CAMKK1: variants seen among roughly 807,000 people sequenced by gnomAD.
The protein encoded by CAMKK1 is calcium/calmodulin-dependent protein kinase kinase 1.
Under a neutral mutation model 63.5 loss-of-function variants are expected in CAMKK1, and 20 were observed. The ratio of observed to expected loss-of-function variants is 0.32; its 90% CI spans 0.22 to 0.46. The LOEUF is 0.46. CAMKK1 is among the 20% of genes least tolerant of loss of function. The probability of loss-of-function intolerance (pLI) is 1.00; values close to 1 mark genes in which losing one functional copy is unlikely to be tolerated. For synonymous variants in CAMKK1, 253 were observed against 269.0 expected, an observed-to-expected ratio of 0.94 and a Z score of 0.58; for missense variants, 588 against 658.1, an observed-to-expected ratio of 0.89 and a Z score of 1.17.
chr17:3,866,413 C>A (rs879930424), intron 14 of CAMKK1, among the ~76,000 whole-genome samples: 1 of 152,272 alleles, frequency 6.6e-6, no homozygotes, highest in Non-Finnish European at 1.5e-5. Flanking sequence ...TACTGCAGGG[C>A]GGCCCGGGAA....
Position 3,877,639 on chromosome 17 carries a change from G to C in CAMKK1, c.797-1217C>G, listed in dbSNP as rs1441366911. Reference sequence around the variant, plus strand: ...GGAGAGGGAGGCTGCGGGCAGAGAAGGCGGGTGCCGTATAACAATAACCAT... The same window carrying C: ...GGAGAGGGAGGCTGCGGGCAGAGAACGCGGGTGCCGTATAACAATAACCAT... On this transcript the variant is annotated intron_variant, in intron 9 of 15. Transcript: ENST00000348335. 2.6e-5 allele frequency among the ~76,000 whole-genome samples: 4 copies of C among 152,318 alleles called. No homozygotes were observed. In the East Asian group the frequency reaches 7.7e-4, roughly 29 times the overall value.
rs2055574981 is a variant in CAMKK1, at chr17:3,884,864, C to T, written c.361-437G>A. Among the ~76,000 whole-genome samples the T allele has an allele frequency of 6.6e-6, 1 of 152,166 alleles. No homozygotes were observed. The highest frequency in any genetic ancestry group is 1.5e-5 in the Non-Finnish European group (1 of 68,030). On this transcript the variant is annotated intron_variant, in intron 2 of 15. Coordinates refer to ENST00000348335, the MANE Select transcript of CAMKK1 (RefSeq NM_032294.3). The surrounding 1 kb of genome is among the most constrained non-coding windows in gnomAD (Gnocchi z 4.5). ...CAGGCACAGAAAGCTCAGCCCCTGACATCTGTAGACTGCTTGGAACCTGAG... is the reference window on the plus strand; with the variant it reads ...CAGGCACAGAAAGCTCAGCCCCTGATATCTGTAGACTGCTTGGAACCTGAG...
rs944002701 is a variant in CAMKK1, at chr17:3,862,859, A to G, written c.1446-576T>C. Among the ~76,000 whole-genome samples the G allele has an allele frequency of 6.6e-5, 10 of 150,808 alleles. No homozygotes were observed. Among genetic ancestry groups the G allele is most frequent in the African/African-American group, 2.4e-4 (10 of 40,982 alleles). On this transcript the variant is annotated intron_variant, in intron 15 of 15. Transcript: ENST00000348335. The surrounding 1 kb of genome is among the most constrained non-coding windows in gnomAD (Gnocchi z 4.1). ...ACCATGTTGCCCAGGCTGGTCTCAA[A>G]CTCCTGGGCTCAAGCGATCCATCCA...
intron 14 of CAMKK1, among the ~76,000 whole-genome samples, chr17:3,866,732 T>C (rs1396986145): frequency 6.6e-6 from 1 of 152,088 alleles, no homozygotes; most frequent in Non-Finnish European, 1.5e-5. Context: ...CCTTTTTTTT[T>C]TTTCAGACGG....
At chr17:3,873,753 G>T (rs1275934573) in intron 10 of CAMKK1, among the ~76,000 whole-genome samples, 1 of 152,120 alleles carries the variant, frequency 6.6e-6, no homozygotes, top group East Asian at 1.9e-4. Flanking sequence ...CATCCAGAGG[G>T]TCACACGGGC....
chr17:3,891,451 G>C (rs1032220392), intron 1 of CAMKK1, among the ~76,000 whole-genome samples: 23 of 152,226 alleles, frequency 1.5e-4, no homozygotes, highest in Non-Finnish European at 2.8e-4. Flanking sequence ...GACTGGAGCA[G>C]ACACCTGAAG....
intron 12 of CAMKK1, among the ~76,000 whole-genome samples, chr17:3,871,597 C>T (rs1369689962): frequency 2.0e-5 from 3 of 149,192 alleles, no homozygotes; most frequent in Non-Finnish European, 3.0e-5. Flanking sequence ...ACCTCGTGAT[C>T]CGCCCTCCTT....
At position 3,864,919 on chromosome 17, in the gene CAMKK1, G is replaced by T. The variant is rs186568468; in HGVS notation, c.1445+989C>A. Among the ~76,000 whole-genome samples, 546 of 152,298 alleles carry T rather than the reference G, an allele frequency of 3.6e-3. 5 individuals carry two copies. Among genetic ancestry groups the T allele is most frequent in the Middle Eastern group, 0.017 (5 of 294 alleles). On this transcript the variant is annotated intron_variant, in intron 15 of 15. Coordinates refer to ENST00000348335, the MANE Select transcript of CAMKK1 (RefSeq NM_032294.3). ...AAACCAACATGGTGGTCCCGGACAG[G>T]CCTGGTGACAGCGTGAAGCCAAGGC... is the stretch of plus-strand genomic sequence containing the variant.
intron 10 of CAMKK1, among the ~76,000 whole-genome samples, chr17:3,874,811 T>C (rs963238519): frequency 6.6e-6 from 1 of 151,714 alleles, no homozygotes; most frequent in African/African-American, 2.4e-5. Flanking sequence ...GCCTGACCGA[T>C]ATATAAGTCT....
At chr17:3,868,758 T>C (rs2054691149) in intron 14 of CAMKK1, among the ~76,000 whole-genome samples, 2 of 151,874 alleles carry the variant, frequency 1.3e-5, no homozygotes, top group Admixed American at 6.6e-5. Context: ...GTTCAAGCGA[T>C]TCTCCTGCCT....
In CAMKK1 at chr17:3,888,963, C is replaced by A. The variant is rs79324845; in HGVS notation, c.-43-3233G>T. On this transcript the variant is annotated intron_variant, in intron 1 of 15. Coordinates refer to ENST00000348335, the MANE Select transcript of CAMKK1 (RefSeq NM_032294.3). ...TGGGTCCCCACACAGGAGCGCACTG[C>A]ATGGAGATGAAAACCTCGGTGTGAT... Among the ~76,000 whole-genome samples, 827 of 151,964 alleles carry A rather than the reference C, an allele frequency of 5.4e-3. 9 individuals carry two copies. The highest frequency in any genetic ancestry group is 0.019 in the African/African-American group (788 of 41,460).
rs2055694419 is a variant in CAMKK1, at chr17:3,887,286, G to GCC, written c.-43-1557_-43-1556insGG. Among the ~76,000 whole-genome samples the GCC allele has an allele frequency of 6.6e-6, 1 of 152,200 alleles. No individual in the cohort carries two copies. Among genetic ancestry groups the GCC allele is most frequent in the African/African-American group, 2.4e-5 (1 of 41,456 alleles). On this transcript the variant is annotated intron_variant, in intron 1 of 15. Transcript: ENST00000348335. This position sits in a 1 kb window ranked among gnomAD's most constrained non-coding sequence, Gnocchi z 6.1. ...GAGGTAGACTGAGGGTAAGGGTGAG[G>GCC]TCCAGACCCCCTGTGCCCGGTACGC... is the stretch of plus-strand genomic sequence containing the variant.
In CAMKK1 at chr17:3,869,409, C is replaced by G; in HGVS notation, c.1341+78G>C. On this transcript the variant is annotated intron_variant, in intron 14 of 15. Transcript: ENST00000348335. The stretch of plus-strand genomic sequence containing the variant: ...CTGGCCAGGCAGGCCTCTGTCCCCC[C>G]AAGGAGCCAGGCACAGAGCAAGGCT... 1.9e-6 allele frequency: 3 copies of G among 1,576,674 alleles called. No homozygotes were observed. In the South Asian group the frequency reaches 3.5e-5, roughly 18 times the overall value.
At chr17:3,888,402 T>C (rs1597492600) in intron 1 of CAMKK1, among the ~76,000 whole-genome samples, 1 of 152,174 alleles carries the variant, frequency 6.6e-6, no homozygotes. Context: ...TGTTACCCGG[T>C]TTGGCGCCCA....
chr17:3,867,739 GC>G (rs2054591327), intron 14 of CAMKK1, among the ~76,000 whole-genome samples: 1 of 152,140 alleles, frequency 6.6e-6, no homozygotes, highest in African/African-American at 2.4e-5. Context: ...GCAAGGCCAG[GC>G]CCCGCCAACG....
intron 14 of CAMKK1, among the ~76,000 whole-genome samples, chr17:3,867,197 G>A (rs2054562864): frequency 6.6e-6 from 1 of 152,240 alleles, no homozygotes; most frequent in African/African-American, 2.4e-5. Flanking sequence ...TCTCTAGGAG[G>A]GGACCCTGGC....
chr17:3,886,880 C>A (rs966821683), intron 1 of CAMKK1, among the ~76,000 whole-genome samples: 4 of 152,138 alleles, frequency 2.6e-5, no homozygotes, highest in South Asian at 2.1e-4. Context: ...TGATGCCCTT[C>A]CCCCTGCTTG....
chr17:3,870,665 A>C (rs2054807674), intron 12 of CAMKK1, among the ~76,000 whole-genome samples: 1 of 152,122 alleles, frequency 6.6e-6, no homozygotes, highest in South Asian at 2.1e-4. Context: ...ACGCCCGGCC[A>C]AACCCCAGGT....
rs34055017 is a variant in CAMKK1 at position 3,873,594 on chromosome 17, G to A, written c.997-132C>T. On this transcript the variant is annotated intron_variant, in intron 10 of 15. Transcript: ENST00000348335. ...CATGCACTCACTCGACAAACACTCC[G>A]CGGTACTTGCCCGATGCTGGGCCCC... 7.4e-3 allele frequency: 6,408 copies of A among 869,222 alleles called. 280 individuals carry two copies. The African/African-American group carries it at 0.092, about 13-fold the overall frequency. The allele number at this position is 869,222 out of a possible 1,614,324, so 53.8% of individuals were successfully genotyped here.
Sources: gnomAD v4.1 joint callset for allele counts (sites outside exome capture counted in the v4.1 genomes callset) on GRCh38, gnomAD v4.1.1 for gene constraint, Gnocchi (gnomAD v3.1) non-coding constraint, MANE v1.5 for transcripts, NCBI Gene and HGNC (gene_info 2026-07-23, HGNC 2026-07-21) for gene names.